Variants in RBFOX3 observed in about 807,000 individuals in gnomAD.
RBFOX3 encodes the protein RNA binding protein fox-1 homolog 3.
In RBFOX3, 17 loss-of-function variants were observed where a neutral mutation model predicts 48.7. The observed-to-expected ratio is 0.35, with a 90% CI of 0.24 to 0.52. The LOEUF is 0.52. Ranked by LOEUF, RBFOX3 falls within the 20% of genes least tolerant of loss-of-function variation. The pLI is 0.94. For synonymous variants in RBFOX3, 212 were observed against 209.5 expected, an observed-to-expected ratio of 1.01 and a Z score of -0.10; for missense variants, 382 against 497.5, an observed-to-expected ratio of 0.77 and a Z score of 2.21.
At chr17:79,375,270 G>A (rs988061429) in intron 2 of RBFOX3, among the ~76,000 whole-genome samples, 6 of 152,056 alleles carry the variant, frequency 3.9e-5, no homozygotes, top group Non-Finnish European at 5.9e-5. Context: ...ATCAACCCAC[G>A]CTGCAGAGAC....
intron 2 of RBFOX3, among the ~76,000 whole-genome samples, chr17:79,331,696 T>C (rs778527558): frequency 1.1e-4 from 17 of 152,220 alleles, no homozygotes; most frequent in Non-Finnish European, 2.4e-4. Flanking sequence ...GGGCAAGTAA[T>C]TGACACCGCA....
chr17:79,595,373 G>T (rs1246388828), intron 1 of RBFOX3, among the ~76,000 whole-genome samples: 1 of 152,220 alleles, frequency 6.6e-6, no homozygotes, highest in Non-Finnish European at 1.5e-5. Flanking sequence ...CACCTGCTTT[G>T]TGCCAGGCAC....
chr17:79,456,637 A>T (rs1555745095), intron 2 of RBFOX3, among the ~76,000 whole-genome samples: 2 of 152,176 alleles, frequency 1.3e-5, no homozygotes, highest in African/African-American at 2.4e-5. Flanking sequence ...ATCATTTTAT[A>T]AAGACACTGT....
In RBFOX3 at chr17:79,178,930, C is replaced by T. The variant is rs189717178; in HGVS notation, c.-34+56836G>A. On this transcript the variant is annotated intron_variant, in intron 4 of 14. Coordinates refer to ENST00000693108, the MANE Select transcript of RBFOX3 (RefSeq NM_001350451.2). Reference sequence around the variant, plus strand: ...AGACCTGGGCAGCAATGGATGCTGCCGCGGGTGCACGAGCTGCTGTTCAGT... The same window carrying T: ...AGACCTGGGCAGCAATGGATGCTGCTGCGGGTGCACGAGCTGCTGTTCAGT... Among the ~76,000 whole-genome samples the T allele has an allele frequency of 3.3e-4, 50 of 152,266 alleles. No homozygotes were observed. The East Asian group carries it at 6.8e-3, about 21-fold the overall frequency.
At chr17:79,647,810 C>T in the RBFOX3 span, among the ~76,000 whole-genome samples, 15 of 152,184 alleles carry the variant, frequency 9.9e-5, no homozygotes, top group Non-Finnish European at 1.8e-4. Flanking sequence ...GGTCACCCTG[C>T]CCCACCCCCA....
chr17:79,161,586 C>A (rs890165800), intron 4 of RBFOX3, among the ~76,000 whole-genome samples: 3 of 152,068 alleles, frequency 2.0e-5, no homozygotes, highest in Non-Finnish European at 4.4e-5. Flanking sequence ...ATGGCTCTTC[C>A]GTTTTTTTTT....
intron 1 of RBFOX3, among the ~76,000 whole-genome samples, chr17:79,483,622 C>T (rs1477036554): frequency 1.3e-5 from 2 of 151,262 alleles, no homozygotes; most frequent in South Asian, 4.2e-4. Context: ...TGGCTTCATG[C>T]GGATGTGCTG....
intron 1 of RBFOX3, among the ~76,000 whole-genome samples, chr17:79,526,161 GAGCT>G (rs1467357602): frequency 9.2e-5 from 14 of 152,352 alleles, no homozygotes; most frequent in African/African-American, 3.1e-4. Flanking sequence ...CCCTCAGGGA[GAGCT>G]AGCAAGTTGT....
intron 4 of RBFOX3, chr17:79,136,363 T>C (rs113888861): frequency 6.6e-6 from 1 of 152,216 alleles, no homozygotes; most frequent in East Asian, 1.9e-4. Context: ...GACTGGGAGA[T>C]GCACTCAGGA....
intron 3 of RBFOX3, among the ~76,000 whole-genome samples, chr17:79,238,196 C>A (rs2061869648): frequency 6.6e-6 from 1 of 152,230 alleles, no homozygotes; most frequent in Non-Finnish European, 1.5e-5. Context: ...CTCGGCCTCC[C>A]AGAGTGCTGG....
chr17:79,394,970 G>T (rs1010780949), intron 2 of RBFOX3, among the ~76,000 whole-genome samples: 6 of 152,220 alleles, frequency 3.9e-5, no homozygotes, highest in Non-Finnish European at 8.8e-5. Flanking sequence ...CCAGAAGGGT[G>T]GATGAGAACC....
chr17:79,287,382 T>A (rs111277859), intron 3 of RBFOX3, among the ~76,000 whole-genome samples: 7 of 152,092 alleles, frequency 4.6e-5, no homozygotes, highest in African/African-American at 1.7e-4. Context: ...TGGGTTTCAA[T>A]GGATTCGTTT....
intron 2 of RBFOX3, among the ~76,000 whole-genome samples, chr17:79,340,420 G>T (rs1007040802): frequency 2.6e-5 from 4 of 152,178 alleles, no homozygotes; most frequent in Non-Finnish European, 4.4e-5. Context: ...GCTTCTATTC[G>T]TTCTTCCCCA....
chr17:79,467,624 G>C (rs2076489063), intron 2 of RBFOX3, among the ~76,000 whole-genome samples: 1 of 152,162 alleles, frequency 6.6e-6, no homozygotes, highest in Non-Finnish European at 1.5e-5. Flanking sequence ...CCTAACTGCA[G>C]ATGGTGGGGG....
At chr17:79,131,736 C>T (rs921740041) in intron 4 of RBFOX3, among the ~76,000 whole-genome samples, 1 of 152,186 alleles carries the variant, frequency 6.6e-6, no homozygotes, top group Non-Finnish European at 1.5e-5. Context: ...GTTCAAGGCA[C>T]AAGACCTGGT....
intron 1 of RBFOX3, among the ~76,000 whole-genome samples, chr17:79,505,770 G>A (rs2149784751): frequency 6.6e-6 from 1 of 152,346 alleles, no homozygotes; most frequent in African/African-American, 2.4e-5. Context: ...GCCTCTAAGG[G>A]CAGACATTTT....
intron 1 of RBFOX3, among the ~76,000 whole-genome samples, chr17:79,524,603 G>A (rs1376817257): frequency 1.3e-5 from 2 of 152,194 alleles, no homozygotes; most frequent in Non-Finnish European, 2.9e-5. Flanking sequence ...GCAGAACTGG[G>A]GGCTGGATTC....
chr17:79,423,254 C>G lies in RBFOX3; in HGVS notation c.-175+59200G>C, dbSNP rs2066756573. ...CCCCATCTTTCCAGGTTCCCAGGTA[C>G]AAGTTCGTGGCATTGTCCTGGATTC... On this transcript the variant is annotated intron_variant, in intron 2 of 14. Coordinates refer to ENST00000693108, the MANE Select transcript of RBFOX3 (RefSeq NM_001350451.2). The surrounding 1 kb of genome is among the most constrained non-coding windows in gnomAD (Gnocchi z 4.9). 1.3e-5 allele frequency among the ~76,000 whole-genome samples: 2 copies of G among 152,176 alleles called. No individual in the cohort carries two copies. The highest frequency in any genetic ancestry group is 6.5e-5 in the Admixed American group (1 of 15,280).
At chr17:79,620,641 ACACACACGGACATG>A in the RBFOX3 span, among the ~76,000 whole-genome samples, 280 of 25,262 alleles carry the variant, frequency 0.011, 5 homozygotes, top group African/African-American at 0.017. Context: ...ACGCACACGC[ACACACACGGACATG>A]CACACACGCA....
Sources: allele counts gnomAD v4.1 joint callset (sites outside exome capture counted in the v4.1 genomes callset), GRCh38; gene constraint gnomAD v4.1.1; non-coding constraint Gnocchi (gnomAD v3.1); transcripts MANE v1.5; gene names NCBI Gene and HGNC (gene_info 2026-07-23, HGNC 2026-07-21).